Variants in VKORC1L1 observed in about 807,000 individuals in gnomAD.
VKORC1L1 encodes vitamin K epoxide reductase complex subunit 1L1.
VKORC1L1 carries 2 observed loss-of-function variants against 18.9 expected under a neutral mutation model. That is an observed-to-expected ratio of 0.11 (90% CI 0.04 to 0.33). VKORC1L1 has a LOEUF of 0.33. Among genes scored for constraint, VKORC1L1 ranks in the 10% least tolerant of loss-of-function variants. The pLI is 1.00. For synonymous variants in VKORC1L1, 96 were observed against 100.0 expected (o/e 0.96, Z 0.24); for missense variants, 123 against 224.1 (o/e 0.55, Z 2.88).
chr7:65,944,442 G>A (rs1435797851), intron 1 of VKORC1L1, among the ~76,000 whole-genome samples: 1 of 151,856 alleles, frequency 6.6e-6, no homozygotes, highest in Non-Finnish European at 1.5e-5. Flanking sequence ...AAACAAGAAA[G>A]GCGTAATTAT....
intron 1 of VKORC1L1, among the ~76,000 whole-genome samples, chr7:65,929,741 T>G (rs969929264): frequency 6.7e-6 from 1 of 149,542 alleles, no homozygotes; most frequent in Non-Finnish European, 1.5e-5. Flanking sequence ...TTTTTTTTTG[T>G]AGAGACAGGT....
intron 1 of VKORC1L1, among the ~76,000 whole-genome samples, chr7:65,915,940 G>A (rs1274721031): frequency 5.3e-5 from 8 of 151,574 alleles, no homozygotes; most frequent in Non-Finnish European, 1.2e-4. Context: ...GTGAAACCCC[G>A]TCTCTACTAA....
At chr7:65,883,923 G>T (rs891526714) in intron 1 of VKORC1L1, among the ~76,000 whole-genome samples, 2 of 152,168 alleles carry the variant, frequency 1.3e-5, no homozygotes, top group Non-Finnish European at 2.9e-5. Flanking sequence ...CTAACTAGGG[G>T]AATTTCAGGG....
intron 1 of VKORC1L1, among the ~76,000 whole-genome samples, chr7:65,903,153 A>G (rs571046820): frequency 2.1e-5 from 3 of 146,184 alleles, no homozygotes; most frequent in Admixed American, 1.4e-4. Flanking sequence ...GGTGTAAGCC[A>G]CCACGCTTGG....
chr7:65,920,934 GAAGAA>G (rs1243850244), intron 1 of VKORC1L1, among the ~76,000 whole-genome samples: 1 of 151,888 alleles, frequency 6.6e-6, no homozygotes, highest in Non-Finnish European at 1.5e-5. Context: ...AGGAAAGAAA[GAAGAA>G]AGAAAGAAAG....
intron 1 of VKORC1L1, among the ~76,000 whole-genome samples, chr7:65,885,713 G>T (rs1789000557): frequency 6.6e-6 from 1 of 151,838 alleles, no homozygotes; most frequent in African/African-American, 2.4e-5. Flanking sequence ...CCTCTTTCTG[G>T]ATTCTCAGTT....
At chr7:65,907,467 A>G (rs1439195308) in intron 1 of VKORC1L1, among the ~76,000 whole-genome samples, 1 of 152,170 alleles carries the variant, frequency 6.6e-6, no homozygotes. Flanking sequence ...TGGAGGATTT[A>G]AATATCTTTC....
At chr7:65,938,076 T>TG (rs1341105846) in intron 1 of VKORC1L1, among the ~76,000 whole-genome samples, 1 of 151,824 alleles carries the variant, frequency 6.6e-6, no homozygotes, top group Non-Finnish European at 1.5e-5. Context: ...GGTGTGGTGG[T>TG]GGGTGCTGGT....
chr7:65,943,997 G>T (rs1790077847), intron 1 of VKORC1L1, among the ~76,000 whole-genome samples: 1 of 152,262 alleles, frequency 6.6e-6, no homozygotes, highest in East Asian at 1.9e-4. Flanking sequence ...ACTTCCTTGT[G>T]GCTGGGCACA....
chr7:65,894,793 C>T (rs1043558824), intron 1 of VKORC1L1, among the ~76,000 whole-genome samples: 3 of 151,296 alleles, frequency 2.0e-5, no homozygotes, highest in Non-Finnish European at 4.4e-5. Flanking sequence ...TGCCTGTAAT[C>T]CCAGCACTTT....
chr7:65,948,744 T>G lies in VKORC1L1; in HGVS notation c.268T>G (p.Phe90Val), dbSNP rs1315242313. 6 of 1,266,720 alleles carry G rather than the reference T, an allele frequency of 4.7e-6. No individual in the cohort carries two copies. Among genetic ancestry groups the G allele is most frequent in the Non-Finnish European group, 1.1e-6 (1 of 919,184 alleles). The allele number at this position is 1,266,720 out of a possible 1,614,324, so 78.5% of individuals were successfully genotyped here. A position where few individuals can be genotyped will look rare whatever the true frequency, so the allele number is the denominator to read the frequency against. The change falls in exon 2 of 3, where the codon TTT becomes GTT. Residue 90 changes from phenylalanine (F) to valine (V), a missense_variant. By Grantham distance (50) the Phe-to-Val change is conservative. Coordinates refer to ENST00000360768, the MANE Select transcript of VKORC1L1 (RefSeq NM_173517.6). ...TGTATTAAACCAGCCAAACAGTGTC[T>G]TTGGACTTATATTTTATATACTACA... is the stretch of plus-strand genomic sequence containing the variant. ...DGVLNQPNSV[F>V]GLIFYILQLL...
intron 1 of VKORC1L1, among the ~76,000 whole-genome samples, chr7:65,891,048 G>A (rs557958862): frequency 1.7e-4 from 26 of 151,792 alleles, no homozygotes; most frequent in African/African-American, 3.9e-4. Context: ...TCATATAAAT[G>A]GGCTCAGACA....
intron 1 of VKORC1L1, among the ~76,000 whole-genome samples, chr7:65,898,752 T>C (rs1244418971): frequency 1.3e-5 from 2 of 152,194 alleles, no homozygotes; most frequent in Non-Finnish European, 2.9e-5. Context: ...TACTGCTCAG[T>C]AGTGTAAAGT....
chr7:65,890,165 C>T (rs1046594577), intron 1 of VKORC1L1, among the ~76,000 whole-genome samples: 1 of 135,914 alleles, frequency 7.4e-6, no homozygotes, highest in African/African-American at 2.7e-5. Flanking sequence ...GAGTCTCGCT[C>T]TGTTTCCCAG....
intron 1 of VKORC1L1, among the ~76,000 whole-genome samples, chr7:65,936,283 A>T (rs1251901540): frequency 6.6e-6 from 1 of 152,148 alleles, no homozygotes; most frequent in Non-Finnish European, 1.5e-5. Flanking sequence ...CTCAGGGTTG[A>T]CATCTGTTCA....
At chr7:65,923,443 A>G (rs1274090691) in intron 1 of VKORC1L1, among the ~76,000 whole-genome samples, 1 of 152,054 alleles carries the variant, frequency 6.6e-6, no homozygotes, top group African/African-American at 2.4e-5. Flanking sequence ...GGAGGAGAGA[A>G]AGACTGATAA....
At chr7:65,897,556 A>T (rs1315273616) in intron 1 of VKORC1L1, among the ~76,000 whole-genome samples, 1 of 152,228 alleles carries the variant, frequency 6.6e-6, no homozygotes, top group Non-Finnish European at 1.5e-5. Context: ...AATGACTCAC[A>T]ATCATAATGT....
At chr7:65,907,265 A>G (rs1318583189) in intron 1 of VKORC1L1, among the ~76,000 whole-genome samples, 1 of 151,864 alleles carries the variant, frequency 6.6e-6, no homozygotes, top group African/African-American at 2.4e-5. Flanking sequence ...ACATGGTGAA[A>G]CCCCGTCTCT....
intron 1 of VKORC1L1, among the ~76,000 whole-genome samples, chr7:65,919,962 G>C (rs1041374316): frequency 3.9e-5 from 6 of 152,062 alleles, no homozygotes; most frequent in Non-Finnish European, 8.8e-5. Context: ...CAGAGTCAAA[G>C]TCATCATCAT....
Sources: allele counts gnomAD v4.1 joint callset (sites outside exome capture counted in the v4.1 genomes callset), GRCh38; gene constraint gnomAD v4.1.1; transcripts MANE v1.5; gene names NCBI Gene and HGNC (gene_info 2026-07-23, HGNC 2026-07-21).